The following PRKG1 variants were observed in gnomAD, a reference collection of about 807,000 sequenced individuals.
The protein encoded by PRKG1 is protein kinase cGMP-dependent 1.
A neutral mutation model predicts 88.1 loss-of-function variants in PRKG1; 35 were observed. The ratio of observed to expected loss-of-function variants is 0.40; its 90% confidence interval spans 0.30 to 0.53. The LOEUF is 0.53. Among genes scored for constraint, PRKG1 ranks in the 20% least tolerant of loss-of-function variants. The pLI, the probability that PRKG1 is intolerant of heterozygous loss-of-function variation, is 0.59. For missense variants in PRKG1, 540 were observed against 839.8 expected (o/e 0.64, Z 4.41); for synonymous variants, 303 against 292.5 (o/e 1.04, Z -0.37).
intron 8 of PRKG1, among the ~76,000 whole-genome samples, chr10:52,140,012 T>C (rs1837532810): frequency 6.6e-6 from 1 of 152,208 alleles, no homozygotes; most frequent in Admixed American, 6.6e-5. Flanking sequence ...CAATAAAGCT[T>C]TATTTATGGA....
At chr10:52,221,519 A>G (rs1840245320) in intron 9 of PRKG1, among the ~76,000 whole-genome samples, 1 of 152,168 alleles carries the variant, frequency 6.6e-6, no homozygotes, top group South Asian at 2.1e-4. Context: ...TTTTTTGCAT[A>G]TGAAGCCTCA....
chr10:51,687,158 A>G (rs1204598662), intron 3 of PRKG1, among the ~76,000 whole-genome samples: 1 of 152,220 alleles, frequency 6.6e-6, no homozygotes, highest in Admixed American at 6.5e-5. Context: ...TCAAGAAAAA[A>G]AAAGTTAATT....
At chr10:52,094,553 G>T (rs763272209) in intron 7 of PRKG1, among the ~76,000 whole-genome samples, 5 of 152,182 alleles carry the variant, frequency 3.3e-5, no homozygotes, top group Admixed American at 6.5e-5. Context: ...ATCTTAGTCT[G>T]CTCAAGCTGT....
chr10:51,566,476 T>C (rs1837608469), intron 3 of PRKG1, among the ~76,000 whole-genome samples: 1 of 152,100 alleles, frequency 6.6e-6, no homozygotes, highest in South Asian at 2.1e-4. Context: ...TGGGCAAAAT[T>C]TACAAAATCA....
intron 1 of PRKG1, among the ~76,000 whole-genome samples, chr10:51,141,517 A>G (rs775739752): frequency 6.6e-6 from 1 of 152,194 alleles, no homozygotes; most frequent in Non-Finnish European, 1.5e-5. Context: ...AAAACCGTCA[A>G]TCACTATTGC....
intron 8 of PRKG1, among the ~76,000 whole-genome samples, chr10:52,159,172 T>C (rs147274670): frequency 8.3e-4 from 126 of 151,706 alleles, no homozygotes; most frequent in African/African-American, 3.0e-3. Context: ...TAATCAAAAA[T>C]CAATTACATT....
At chr10:52,270,669 A>G (rs1841700133) in intron 10 of PRKG1, among the ~76,000 whole-genome samples, 1 of 146,044 alleles carries the variant, frequency 6.8e-6, no homozygotes, top group African/African-American at 2.5e-5. Context: ...GAATTGAACA[A>G]TGAGAACACA....
chr10:52,023,293 A>G (rs973432358), intron 5 of PRKG1, among the ~76,000 whole-genome samples: 7 of 151,968 alleles, frequency 4.6e-5, no homozygotes, highest in African/African-American at 1.2e-4. Flanking sequence ...AATGTGCCAC[A>G]TTTTCTTTAT....
intron 2 of PRKG1, chr10:51,302,453 A>G (rs1840915417): frequency 6.6e-6 from 1 of 152,152 alleles, no homozygotes; most frequent in Non-Finnish European, 1.5e-5. Context: ...GATGTAATTG[A>G]GACCTAATAA....
chr10:52,282,375 C>T, intron 14 of PRKG1, 59 bp downstream of exon 14: 3 of 1,438,768 alleles, frequency 2.1e-6, no homozygotes, highest in Non-Finnish European at 2.8e-6. Flanking sequence ...CTACACACTC[C>T]TGCTTTTGTC....
At chr10:51,340,839 C>T (rs1841988359) in intron 2 of PRKG1, among the ~76,000 whole-genome samples, 1 of 152,126 alleles carries the variant, frequency 6.6e-6, no homozygotes, top group Admixed American at 6.6e-5. Flanking sequence ...GTGAATAAGA[C>T]AATCTAATGG....
At chr10:51,430,540 T>C (rs2132724536) in intron 2 of PRKG1, among the ~76,000 whole-genome samples, 1 of 152,318 alleles carries the variant, frequency 6.6e-6, no homozygotes, top group East Asian at 1.9e-4. Context: ...GCCTCTTTGA[T>C]AAACAGTTTT....
chr10:51,923,969 A>C (rs1842518041), intron 5 of PRKG1, among the ~76,000 whole-genome samples: 1 of 151,848 alleles, frequency 6.6e-6, no homozygotes, highest in African/African-American at 2.4e-5. Context: ...GCTGGACCAC[A>C]GGTGTGCACC....
chr10:52,213,230 G>A (rs1373039885), intron 9 of PRKG1, among the ~76,000 whole-genome samples: 2 of 151,976 alleles, frequency 1.3e-5, no homozygotes, highest in African/African-American at 2.4e-5. Context: ...AAAAAAAGAA[G>A]TTCAGTTGAC....
At chr10:52,157,883 C>T (rs140438013) in intron 8 of PRKG1, among the ~76,000 whole-genome samples, 87 of 151,624 alleles carry the variant, frequency 5.7e-4, no homozygotes, top group Middle Eastern at 3.4e-3. Context: ...AGGGATTTCC[C>T]ATTTGCTCTC....
At chr10:51,922,019 C>A (rs990347223) in intron 5 of PRKG1, among the ~76,000 whole-genome samples, 1 of 151,754 alleles carries the variant, frequency 6.6e-6, no homozygotes, top group Non-Finnish European at 1.5e-5. Context: ...GTAGAATTTA[C>A]CTGTGAATCT....
chr10:51,249,151 GT>G (rs1564654826), intron 2 of PRKG1, among the ~76,000 whole-genome samples: 1 of 151,772 alleles, frequency 6.6e-6, no homozygotes, highest in Non-Finnish European at 1.5e-5. Context: ...GTTAACTTAC[GT>G]TTTAAAATCA....
chr10:51,172,705 T>G (rs778360479), intron 2 of PRKG1, among the ~76,000 whole-genome samples: 4 of 151,580 alleles, frequency 2.6e-5, no homozygotes, highest in African/African-American at 4.8e-5. Flanking sequence ...TCTGTGTATA[T>G]TTTGTTAGGT....
intron 2 of PRKG1, among the ~76,000 whole-genome samples, chr10:51,361,982 A>C (rs1213023378): frequency 6.6e-6 from 1 of 151,962 alleles, no homozygotes; most frequent in Admixed American, 6.6e-5. Context: ...ATAAGTTTAC[A>C]TGGTCACTTT....
Sources: gnomAD v4.1 joint callset for allele counts (sites outside exome capture counted in the v4.1 genomes callset) on GRCh38, gnomAD v4.1.1 for gene constraint, MANE v1.5 for transcripts, NCBI Gene and HGNC (gene_info 2026-07-23, HGNC 2026-07-21) for gene names.